The following ZGPAT variants were observed in gnomAD, a reference collection of about 807,000 sequenced individuals.
The protein encoded by ZGPAT is zinc finger CCCH-type and G-patch domain containing, also known as zinc finger CCCH-type with G patch domain-containing protein.
In ZGPAT, 39 loss-of-function variants were observed where a neutral mutation model predicts 47.9. The observed-to-expected ratio is 0.81, with a 90% CI of 0.63 to 1.06. ZGPAT has a LOEUF of 1.06. Ranked by LOEUF, ZGPAT falls within the 50% of genes least tolerant of loss-of-function variation. The probability of loss-of-function intolerance (pLI) is 0.00; values close to 1 mark genes in which losing one functional copy is unlikely to be tolerated. For missense variants in ZGPAT, 717 were observed against 681.4 expected, an observed-to-expected ratio of 1.05 and a Z score of -0.58; for synonymous variants, 348 against 292.9, an observed-to-expected ratio of 1.19 and a Z score of -1.92.
chr20:63,733,928 T>C, intron 4 of ZGPAT, 189 bp downstream of exon 4: 1 of 689,102 alleles, frequency 1.5e-6, no homozygotes, highest in Non-Finnish European at 2.4e-6. Flanking sequence ...CTTCAAGGAG[T>C]GTGGGTGCAA....
Position 63,713,669 on chromosome 20 carries a change from G to GA in ZGPAT, c.584+4506dup, listed in dbSNP as rs1467041507. On this transcript the variant is annotated intron_variant, in intron 2 of 6. Coordinates refer to ENST00000355969, the MANE Select transcript of ZGPAT (RefSeq NM_181485.3). ...GTGGATCACCTGTGGTCAGGAGTTCGAGACCAGCCTGGCCAACATGGTGAA... is the reference window on the plus strand; with the variant it reads ...GTGGATCACCTGTGGTCAGGAGTTCGAAGACCAGCCTGGCCAACATGGTGAA... Among the ~76,000 whole-genome samples, 4 of 151,228 alleles carry GA rather than the reference G, an allele frequency of 2.6e-5. No homozygotes were observed. The East Asian group carries it at 8.0e-4, about 30-fold the overall frequency.
In ZGPAT at chr20:63,708,563, G is replaced by A. The variant is rs2091603230; in HGVS notation, c.-18G>A. ...CTTCTCTTCTTGCAGCCCTGGTCCA[G>A]CGCCTCCCTCTCTCAGCATGGACGA... On this transcript the variant is annotated 5_prime_UTR_variant, in exon 2 of 7. Coordinates refer to ENST00000355969, the MANE Select transcript of ZGPAT (RefSeq NM_181485.3). 6.4e-7 allele frequency: 1 copy of A among 1,568,878 alleles called. No homozygotes were observed. Among genetic ancestry groups the A allele is most frequent in the South Asian group, 1.2e-5 (1 of 86,166 alleles).
At chr20:63,722,704 C>T (rs1312651297) in intron 2 of ZGPAT, among the ~76,000 whole-genome samples, 2 of 150,752 alleles carry the variant, frequency 1.3e-5, no homozygotes. Flanking sequence ...GTGATCTCGG[C>T]TCACTGCAAC....
At chr20:63,714,710 A>G (rs1269649254) in intron 2 of ZGPAT, among the ~76,000 whole-genome samples, 1 of 151,800 alleles carries the variant, frequency 6.6e-6, no homozygotes, top group Non-Finnish European at 1.5e-5. Context: ...TGGCATGATC[A>G]TGGCTCACTG....
intron 2 of ZGPAT, among the ~76,000 whole-genome samples, chr20:63,726,901 C>T (rs772361078): frequency 2.0e-5 from 3 of 152,152 alleles, no homozygotes; most frequent in Non-Finnish European, 4.4e-5. Flanking sequence ...CACATATACT[C>T]CAGACCCCCA....
At chr20:63,734,964 A>G (rs2091964107) in intron 5 of ZGPAT, 140 bp downstream of exon 5, 1 of 1,324,996 alleles carries the variant, frequency 7.5e-7, no homozygotes, top group Non-Finnish European at 1.0e-6. Flanking sequence ...CGTGCTCCTC[A>G]GATTCCCGGG....
intron 2 of ZGPAT, among the ~76,000 whole-genome samples, chr20:63,724,673 AT>A (rs34414685): frequency 3.1e-4 from 42 of 137,426 alleles, no homozygotes; most frequent in Non-Finnish European, 4.0e-4. Flanking sequence ...TTCATTTAGA[AT>A]TTTTTTTTTT....
chr20:63,727,970 A>T (rs1308050813), intron 2 of ZGPAT, among the ~76,000 whole-genome samples: 1 of 150,212 alleles, frequency 6.7e-6, no homozygotes, highest in Admixed American at 6.7e-5. Context: ...AGTTGTTTGG[A>T]CTTAAACTGC....
intron 2 of ZGPAT, among the ~76,000 whole-genome samples, chr20:63,722,069 G>C (rs985477189): frequency 1.3e-5 from 2 of 151,538 alleles, no homozygotes; most frequent in Non-Finnish European, 2.9e-5. Flanking sequence ...GGCTGCCCCA[G>C]CCCTGAGAGA....
intron 2 of ZGPAT, among the ~76,000 whole-genome samples, chr20:63,732,400 CTGTGTGTGCG>C (rs2091919399): frequency 8.2e-6 from 1 of 122,670 alleles, no homozygotes; most frequent in African/African-American, 3.2e-5. Flanking sequence ...GGGTGAGGGC[CTGTGTGTGCG>C]TGTGTGTGGG....
At chr20:63,730,932 C>CTT (rs2091892153) in intron 2 of ZGPAT, among the ~76,000 whole-genome samples, 2 of 20,376 alleles carry the variant, frequency 9.8e-5, no homozygotes, top group Non-Finnish European at 1.9e-4. Flanking sequence ...TTCTCTCTCT[C>CTT]TCTCTCTCTC....
In ZGPAT at chr20:63,735,280, C is replaced by T; in HGVS notation, c.1113C>T (p.Gly371=). 1.9e-6 allele frequency: 3 copies of T among 1,606,134 alleles called. No individual in the cohort carries two copies. The highest frequency in any genetic ancestry group is 1.1e-5 in the South Asian group (1 of 90,006). ...LQKQTRVGKA[G]TNKPPRCRGR... is the part of the protein sequence containing the mutation. ...AGCAGACCAGGGTTGGCAAGGCTGG[C>T]ACCAACAAGCCCCCCAGGTGCCGGG... The change falls in exon 6 of 7, where the codon GGC becomes GGT. Residue 371 remains glycine (G), a synonymous_variant. Coordinates refer to ENST00000355969, the MANE Select transcript of ZGPAT (RefSeq NM_181485.3).
At chr20:63,721,489 C>G (rs2091787502) in intron 2 of ZGPAT, among the ~76,000 whole-genome samples, 1 of 152,130 alleles carries the variant, frequency 6.6e-6, no homozygotes, top group Non-Finnish European at 1.5e-5. Context: ...CCCATGGAGC[C>G]TAAGGATGAA....
Position 63,708,081 on chromosome 20 carries a change from T to A in ZGPAT, c.-66T>A, listed in dbSNP as rs553144454. ...CGCTCGGGAGGAAGTGCCGATCGGCTGCTGGGGCGAAAAGGGGGCGCCGGG... is the reference window on the plus strand; with the variant it reads ...CGCTCGGGAGGAAGTGCCGATCGGCAGCTGGGGCGAAAAGGGGGCGCCGGG... On this transcript the variant is annotated 5_prime_UTR_variant, in exon 1 of 7. Transcript: ENST00000355969. The A allele has an allele frequency of 2.0e-5, 3 of 152,126 alleles. No individual in the cohort carries two copies. In the South Asian group the frequency reaches 6.2e-4, roughly 32 times the overall value. The allele number at this position is 152,126 out of a possible 1,614,324, so 9.4% of individuals were successfully genotyped here.
At position 63,708,757 on chromosome 20, in the gene ZGPAT, G is replaced by T; in HGVS notation, c.177G>T (p.Lys59Asn). The T allele has an allele frequency of 6.2e-7, 1 of 1,612,174 alleles. No individual in the cohort carries two copies. Among genetic ancestry groups the T allele is most frequent in the African/African-American group, 1.3e-5 (1 of 75,042 alleles). Reference sequence around the variant, plus strand: ...AGGCCAGCCTGGTGTCTGTCAGGAAGAGCAGCTTGTTGGCCGCGCTGGACG... The same window carrying T: ...AGGCCAGCCTGGTGTCTGTCAGGAATAGCAGCTTGTTGGCCGCGCTGGACG... ...LTEASLVSVR[K>N]SSLLAALDEE... Residue 59 changes from lysine (K) to asparagine (N), a missense_variant, in exon 2 of 7, where the codon AAG (lysine) becomes AAT (asparagine). Transcript: ENST00000355969.
intron 2 of ZGPAT, among the ~76,000 whole-genome samples, chr20:63,722,654 A>G (rs1208442736): frequency 6.7e-6 from 1 of 149,782 alleles, no homozygotes; most frequent in South Asian, 2.1e-4. Flanking sequence ...TTTTTTTTTT[A>G]TGGAGTTTCA....
At chr20:63,712,852 T>C (rs963675836) in intron 2 of ZGPAT, among the ~76,000 whole-genome samples, 2 of 152,088 alleles carry the variant, frequency 1.3e-5, no homozygotes, top group African/African-American at 4.8e-5. Flanking sequence ...GCTGAGATCA[T>C]GCCACTGCAC....
chr20:63,711,192 G>A (rs1054302062), intron 2 of ZGPAT, among the ~76,000 whole-genome samples: 1 of 152,214 alleles, frequency 6.6e-6, no homozygotes, highest in East Asian at 1.9e-4. Context: ...GCCACGCCCA[G>A]CTAATTTTTG....
At chr20:63,731,766 G>A (rs1568798543) in intron 2 of ZGPAT, among the ~76,000 whole-genome samples, 1 of 152,168 alleles carries the variant, frequency 6.6e-6, no homozygotes, top group South Asian at 2.1e-4. Flanking sequence ...CTTGGTATCT[G>A]CAGGTTCCAT....
Sources: gnomAD v4.1 joint callset for allele counts (sites outside exome capture counted in the v4.1 genomes callset) on GRCh38, gnomAD v4.1.1 for gene constraint, MANE v1.5 for transcripts, NCBI Gene and HGNC (gene_info 2026-07-23, HGNC 2026-07-21) for gene names.